The following ZNF148 variants were observed in gnomAD, a reference collection of about 807,000 sequenced individuals.
ZNF148 encodes the protein zinc finger protein 148.
In ZNF148, 7 loss-of-function variants were observed where a neutral mutation model predicts 67.7. That is an observed-to-expected ratio of 0.10 (90% CI 0.06 to 0.19). The LOEUF is 0.19. Among genes scored for constraint, ZNF148 ranks in the 10% least tolerant of loss-of-function variants. The pLI, the probability that ZNF148 is intolerant of heterozygous loss-of-function variation, is 1.00. For missense variants in ZNF148, 583 were observed against 947.1 expected (o/e 0.62, Z 5.05); for synonymous variants, 333 against 330.7 (o/e 1.01, Z -0.08).
At chr3:125,337,567 G>A (rs1380960441) in intron 1 of ZNF148, among the ~76,000 whole-genome samples, 2 of 152,120 alleles carry the variant, frequency 1.3e-5, no homozygotes, top group Non-Finnish European at 2.9e-5. Context: ...GTACTATGAT[G>A]ATCAAGATCA....
intron 1 of ZNF148, among the ~76,000 whole-genome samples, chr3:125,343,419 A>G (rs1400605216): frequency 2.0e-5 from 3 of 151,370 alleles, no homozygotes; most frequent in Non-Finnish European, 4.4e-5. Flanking sequence ...AAATGCACCA[A>G]CCAGTGCTCT....
chr3:125,236,115 T>G (rs1421874138), intron 7 of ZNF148, among the ~76,000 whole-genome samples: 1 of 152,026 alleles, frequency 6.6e-6, no homozygotes, highest in Non-Finnish European at 1.5e-5. Context: ...AAGAAATAAT[T>G]ATATTTAATT....
At chr3:125,279,519 C>A (rs72973826) in intron 5 of ZNF148, among the ~76,000 whole-genome samples, 1 of 151,928 alleles carries the variant, frequency 6.6e-6, no homozygotes, top group Non-Finnish European at 1.5e-5. Flanking sequence ...AATGCTTATG[C>A]GTGATGGAGT....
At chr3:125,349,057 C>T (rs904561737) in intron 1 of ZNF148, among the ~76,000 whole-genome samples, 4 of 152,160 alleles carry the variant, frequency 2.6e-5, no homozygotes, top group Non-Finnish European at 4.4e-5. Flanking sequence ...AAGTTTGACC[C>T]TCATTTTACA....
rs552018746 is a variant in ZNF148, at chr3:125,230,046, G to A, written c.*2295C>T. The A allele has an allele frequency of 6.6e-6, 1 of 152,648 alleles. No homozygotes were observed. The highest frequency in any genetic ancestry group is 1.5e-5 in the Non-Finnish European group (1 of 68,008). 9.5% of individuals were successfully genotyped at this position (152,648 alleles called of 1,614,324 possible). ...GAAAACAGGAATGCAACACCTGAAAGTCTGCTTGCATAACTACCATTTTCA... is the reference window on the plus strand; with the variant it reads ...GAAAACAGGAATGCAACACCTGAAAATCTGCTTGCATAACTACCATTTTCA... On this transcript the variant is annotated 3_prime_UTR_variant, in exon 9 of 9. Transcript: ENST00000360647.
chr3:125,258,959 A>C (rs1246337315), intron 7 of ZNF148, among the ~76,000 whole-genome samples: 1 of 152,158 alleles, frequency 6.6e-6, no homozygotes, highest in South Asian at 2.1e-4. Flanking sequence ...TAAACTCATT[A>C]CCCTTTTACT....
intron 7 of ZNF148, among the ~76,000 whole-genome samples, chr3:125,264,165 GT>G (rs751023914): frequency 6.6e-6 from 1 of 152,178 alleles, no homozygotes; most frequent in Non-Finnish European, 1.5e-5. Context: ...TAATAAAATG[GT>G]AAATGTAAGT....
rs758344258 is a variant in ZNF148, at chr3:125,232,577, C to T, written c.2149G>A (p.Ala717Thr). ...DQVTSQKKAE[A>T]QPVHQAYQMS... The stretch of plus-strand genomic sequence containing the variant: ...TGGTAAGCTTGGTGGACAGGCTGGG[C>T]CTCAGCTTTCTTCTGAGAAGTCACT... The change falls in exon 9 of 9, where the codon GCC becomes ACC. Residue 717 changes from alanine to threonine, a missense_variant. By Grantham distance (58) the Ala-to-Thr change is moderately conservative (BLOSUM62 0). Transcript: ENST00000360647. This position sits in a 1 kb window ranked among gnomAD's most constrained non-coding sequence, Gnocchi z 4.2. 5 of 1,613,740 alleles carry T rather than the reference C, an allele frequency of 3.1e-6. No individual in the cohort carries two copies. Among genetic ancestry groups the T allele is most frequent in the South Asian group, 1.1e-5 (1 of 91,076 alleles).
chr3:125,313,473 C>T lies in ZNF148; in HGVS notation c.168G>A (p.Glu56=). 1 of 1,614,174 alleles carries T rather than the reference C, an allele frequency of 6.2e-7. No homozygotes were observed. The highest frequency in any genetic ancestry group is 8.5e-7 in the Non-Finnish European group (1 of 1,180,040). Residue 56 remains glutamate, a synonymous_variant, in exon 4 of 9, where the codon GAG becomes GAA. Coordinates refer to ENST00000360647, the MANE Select transcript of ZNF148 (RefSeq NM_021964.3). ...GTAACACTTCATCTGCAGCAAGGAT[C>T]TCCTGGTGAGGCATACTTCGATCTT... ...VLQDRSMPHQ[E]ILAADEVLQE... is the part of the protein sequence containing the mutation.
intron 4 of ZNF148, chr3:125,292,775 T>C (rs993270609): frequency 4.6e-5 from 7 of 152,236 alleles, no homozygotes; most frequent in Non-Finnish European, 1.0e-4. Flanking sequence ...AGGTCCCTTA[T>C]GCCCTTTCAG....
intron 1 of ZNF148, among the ~76,000 whole-genome samples, chr3:125,334,920 C>G (rs138046491): frequency 3.5e-4 from 53 of 152,286 alleles, no homozygotes; most frequent in African/African-American, 1.2e-3. Flanking sequence ...ACAGCAGAAT[C>G]TACTGCACTG....
At chr3:125,371,762 T>C (rs562234609) in intron 1 of ZNF148, among the ~76,000 whole-genome samples, 23 of 151,148 alleles carry the variant, frequency 1.5e-4, no homozygotes, top group African/African-American at 5.4e-4. Context: ...TCCAGAAGAC[T>C]GTCAAAGAAT....
chr3:125,330,539 A>G (rs1941245716), intron 2 of ZNF148, among the ~76,000 whole-genome samples: 1 of 151,402 alleles, frequency 6.6e-6, no homozygotes, highest in African/African-American at 2.4e-5. Flanking sequence ...TAGAATTTTT[A>G]TGATCAGGCC....
At chr3:125,285,944 T>C (rs1000910390) in intron 5 of ZNF148, among the ~76,000 whole-genome samples, 10 of 152,108 alleles carry the variant, frequency 6.6e-5, no homozygotes. Context: ...AGCCTGTAAA[T>C]ACCTAATCTA....
Position 125,230,567 on chromosome 3 carries a change from A to G in ZNF148, c.*1774T>C, listed in dbSNP as rs1579570089. 6.6e-6 allele frequency: 1 copy of G among 152,548 alleles called. No individual in the cohort carries two copies. Among genetic ancestry groups the G allele is most frequent in the South Asian group, 2.1e-4 (1 of 4,834 alleles). The allele number at this position is 152,548 out of a possible 1,614,324, so 9.4% of individuals were successfully genotyped here. The stretch of plus-strand genomic sequence containing the variant: ...AACACCAATATATTCAAAATAAATG[A>G]AGGATGTTAAGGGTGGATAGTTATT... On this transcript the variant is annotated 3_prime_UTR_variant, in exon 9 of 9. Transcript: ENST00000360647.
rs1300095561 is a variant in ZNF148, at chr3:125,227,145, AAT to A, written c.*5194_*5195del. The A allele has an allele frequency of 1.3e-5, 2 of 152,244 alleles. No homozygotes were observed. Among genetic ancestry groups the A allele is most frequent in the Non-Finnish European group, 2.9e-5 (2 of 68,030 alleles). 9.4% of individuals were successfully genotyped at this position (152,244 alleles called of 1,614,324 possible). ...TTTTAGGAACTCTCAGTATTCATCA[AAT>A]ATTTCCATTTCACTACCCACTCAAG... is the stretch of plus-strand genomic sequence containing the variant. On this transcript the variant is annotated 3_prime_UTR_variant, in exon 9 of 9. Coordinates refer to ENST00000360647, the MANE Select transcript of ZNF148 (RefSeq NM_021964.3).
At chr3:125,248,418 C>CT (rs1402077929) in intron 7 of ZNF148, among the ~76,000 whole-genome samples, 1 of 152,142 alleles carries the variant, frequency 6.6e-6, no homozygotes, top group Non-Finnish European at 1.5e-5. Flanking sequence ...TCTGATAACT[C>CT]TATGTTGAGT....
chr3:125,289,781 T>C lies in ZNF148; in HGVS notation c.334-1553A>G, dbSNP rs145502651. The stretch of plus-strand genomic sequence containing the variant: ...GGCAACAAAAAAGAGGAACTCTTTT[T>C]AGCAAGTGTCAAGAAGAGTGTAAGA... On this transcript the variant is annotated intron_variant, in intron 4 of 8. Transcript: ENST00000360647. Among the ~76,000 whole-genome samples, 552 of 152,276 alleles carry C rather than the reference T, an allele frequency of 3.6e-3. 6 individuals carry two copies. The highest frequency in any genetic ancestry group is 0.013 in the African/African-American group (520 of 41,552).
chr3:125,311,467 G>C lies in ZNF148; in HGVS notation c.333+1841C>G, dbSNP rs903352881. 2.9e-4 allele frequency: 44 copies of C among 152,124 alleles called. 1 individual carries two copies. The highest frequency in any genetic ancestry group is 4.4e-5 in the Non-Finnish European group (3 of 68,026). 9.4% of individuals were successfully genotyped at this position (152,124 alleles called of 1,614,324 possible). A position where few individuals can be genotyped will look rare whatever the true frequency, so the allele number is the denominator to read the frequency against. On this transcript the variant is annotated intron_variant, in intron 4 of 8. Coordinates refer to ENST00000360647, the MANE Select transcript of ZNF148 (RefSeq NM_021964.3). ...ATCTTAATAGCTTTACCTTCTAAAA[G>C]TACTGCATTTTCTTATGATCAAAGA...
Sources: allele counts gnomAD v4.1 joint callset (sites outside exome capture counted in the v4.1 genomes callset), GRCh38; gene constraint gnomAD v4.1.1; non-coding constraint Gnocchi (gnomAD v3.1); transcripts MANE v1.5; gene names NCBI Gene and HGNC (gene_info 2026-07-23, HGNC 2026-07-21).